Variants in WDR64 observed in about 807,000 individuals in gnomAD.
WDR64 encodes the protein WD repeat-containing protein 64.
WDR64 carries 112 observed loss-of-function variants against 139.3 expected under a neutral mutation model. The observed-to-expected ratio is 0.80, with a 90% CI of 0.69 to 0.94. The LOEUF is 0.94. Ranked by LOEUF, WDR64 falls within the 40% of genes least tolerant of loss-of-function variation. The pLI is 0.00. For missense variants in WDR64, 1,206 were observed against 1,293.1 expected (o/e 0.93, Z 1.03); for synonymous variants, 444 against 437.7 (o/e 1.01, Z -0.18).
At chr1:241,655,147 G>A (rs1234044707) in intron 1 of WDR64, among the ~76,000 whole-genome samples, 1 of 152,184 alleles carries the variant, frequency 6.6e-6, no homozygotes, top group East Asian at 1.9e-4. Context: ...CACTTTGGGA[G>A]GCCAAGGTGG....
At chr1:241,732,231 G>A (rs577591888) in intron 10 of WDR64, among the ~76,000 whole-genome samples, 1 of 152,192 alleles carries the variant, frequency 6.6e-6, no homozygotes, top group African/African-American at 2.4e-5. Flanking sequence ...TAATTCTAAA[G>A]ATTTCTACTG....
intron 25 of WDR64, among the ~76,000 whole-genome samples, chr1:241,792,508 C>T (rs992109846): frequency 6.6e-5 from 10 of 151,956 alleles, no homozygotes; most frequent in South Asian, 4.1e-4. Context: ...TGCACTCCAA[C>T]CTTGGCGACA....
Position 241,770,669 on chromosome 1 carries a change from C to A in WDR64, c.2232C>A (p.Ser744Arg). The change falls in exon 18 of 28, where the codon AGC (serine) becomes AGA (arginine). Residue 744 changes from serine to arginine, a missense_variant. Physicochemically the swap from Ser to Arg is moderately radical, Grantham distance 110. Coordinates refer to ENST00000437684, the MANE Select transcript of WDR64 (RefSeq NM_001367482.1). ...SICSSSQCES[S>R]KGPQSSKGSK... The stretch of plus-strand genomic sequence containing the variant: ...GTTCTTCATCCCAGTGTGAATCCAG[C>A]AAAGGTCCACAGAGCAGTAAGGTAA... 6.4e-7 allele frequency: 1 copy of A among 1,551,446 alleles called. No individual in the cohort carries two copies. Among genetic ancestry groups the A allele is most frequent in the Non-Finnish European group, 8.7e-7 (1 of 1,146,852 alleles).
At chr1:241,681,354 G>A (rs556595204) in intron 6 of WDR64, among the ~76,000 whole-genome samples, 35 of 152,198 alleles carry the variant, frequency 2.3e-4, no homozygotes, top group East Asian at 3.9e-4. Flanking sequence ...TCCCTCTTAT[G>A]AGTGAGAATA....
chr1:241,738,631 TA>T (rs1353515875), intron 11 of WDR64, 142 bp downstream of exon 11: 1 of 888,828 alleles, frequency 1.1e-6, no homozygotes, highest in Admixed American at 3.3e-5. Context: ...AGTAGATATT[TA>T]ATTCAATTCT....
At chr1:241,694,484 T>C (rs1363677131) in intron 8 of WDR64, among the ~76,000 whole-genome samples, 1 of 146,704 alleles carries the variant, frequency 6.8e-6, no homozygotes, top group Non-Finnish European at 1.5e-5. Flanking sequence ...TTAGTTTCTG[T>C]AATATAATTA....
chr1:241,749,824 A>C, intron 14 of WDR64, 102 bp downstream of exon 14: 1 of 1,311,600 alleles, frequency 7.6e-7, no homozygotes, highest in Non-Finnish European at 1.1e-6. Context: ...CTTGGTAGCC[A>C]GCTGAAGATG....
At chr1:241,764,732 G>A (rs1287687287) in intron 15 of WDR64, among the ~76,000 whole-genome samples, 1 of 152,158 alleles carries the variant, frequency 6.6e-6, no homozygotes, top group Non-Finnish European at 1.5e-5. Context: ...AGAAGAAAAT[G>A]TTCTGGTTTC....
intron 8 of WDR64, among the ~76,000 whole-genome samples, chr1:241,688,987 T>C (rs1667111659): frequency 6.6e-6 from 1 of 152,162 alleles, no homozygotes; most frequent in South Asian, 2.1e-4. Flanking sequence ...AGAGAAACTA[T>C]GTTATCAGAG....
At chr1:241,738,088 T>C (rs994483488) in intron 10 of WDR64, among the ~76,000 whole-genome samples, 1 of 152,198 alleles carries the variant, frequency 6.6e-6, no homozygotes, top group Non-Finnish European at 1.5e-5. Context: ...GAGTAATAAA[T>C]ACTATGTTCC....
chr1:241,676,729 G>C (rs1330361084), intron 4 of WDR64, among the ~76,000 whole-genome samples: 1 of 146,892 alleles, frequency 6.8e-6, no homozygotes, highest in Non-Finnish European at 1.5e-5. Flanking sequence ...AGGAAAAAAT[G>C]GCTAAAAAAT....
intron 10 of WDR64, among the ~76,000 whole-genome samples, chr1:241,732,189 C>T (rs1669107972): frequency 2.6e-5 from 4 of 152,138 alleles, no homozygotes; most frequent in Admixed American, 2.0e-4. Context: ...ATTCCCCAGA[C>T]CCCTTGCTCT....
chr1:241,686,090 A>G (rs1230959134), intron 7 of WDR64, among the ~76,000 whole-genome samples: 1 of 152,232 alleles, frequency 6.6e-6, no homozygotes, highest in Non-Finnish European at 1.5e-5. Context: ...ATTCATGTAG[A>G]TGATTTAATC....
intron 9 of WDR64, 76 bp from the exon 10 acceptor site, chr1:241,723,221 A>G: frequency 3.9e-6 from 6 of 1,552,550 alleles, no homozygotes; most frequent in Non-Finnish European, 5.3e-6. Flanking sequence ...AGATACGGGT[A>G]TGATACAGTG....
rs201617636 is a variant in WDR64 at position 241,723,393 on chromosome 1, C to G, written c.1151C>G (p.Thr384Ser). Residue 384 changes from threonine to serine, a missense_variant, in exon 10 of 28, where the codon ACC (threonine) becomes AGC (serine). Transcript: ENST00000437684. ...GHMFSIAEIVTNEKDQHVVSL... is the reference protein window; with the variant it reads ...GHMFSIAEIVSNEKDQHVVSL... ...ATGTTCAGTATCGCCGAGATCGTAA[C>G]CAATGAAAAAGATCAACATGTCGTC... 2.4e-4 allele frequency: 387 copies of G among 1,613,758 alleles called. 3 individuals are homozygous for G. The South Asian group carries it at 3.0e-3, about 12-fold the overall frequency.
In WDR64 at chr1:241,723,279, C is replaced by T. The variant is rs775604447; in HGVS notation, c.1055-18C>T. On this transcript the variant is annotated intron_variant, in intron 9 of 27. Transcript: ENST00000437684. ...CCACCTCAGAAAACCAACAATCTTT[C>T]CCTGTCCTCCTTTTCAGGAGATGAT... The T allele has an allele frequency of 5.6e-6, 9 of 1,612,910 alleles. No individual in the cohort carries two copies. The East Asian group carries it at 2.0e-4, about 36-fold the overall frequency.
chr1:241,708,721 T>TTTTTTTTTTG (rs1668056715), intron 8 of WDR64, among the ~76,000 whole-genome samples: 1 of 135,496 alleles, frequency 7.4e-6, no homozygotes, highest in Non-Finnish European at 1.6e-5. Context: ...TGTTTTTTTT[T>TTTTTTTTTTG]TTAAGGATTG....
At chr1:241,793,348 C>A (rs1293790938) in intron 25 of WDR64, among the ~76,000 whole-genome samples, 1 of 152,056 alleles carries the variant, frequency 6.6e-6, no homozygotes, top group Non-Finnish European at 1.5e-5. Flanking sequence ...GGGTGTTGTT[C>A]CAGTTTGTAA....
chr1:241,801,030 G>T, intron 27 of WDR64, 102 bp from the exon 28 acceptor site: 1 of 843,014 alleles, frequency 1.2e-6, no homozygotes, highest in Non-Finnish European at 1.9e-6. Flanking sequence ...TTTTCTAGGA[G>T]GATTAAAATC....
Sources: gnomAD v4.1 joint callset for allele counts (sites outside exome capture counted in the v4.1 genomes callset) on GRCh38, gnomAD v4.1.1 for gene constraint, MANE v1.5 for transcripts, NCBI Gene and HGNC (gene_info 2026-07-23, HGNC 2026-07-21) for gene names.